The following ZNF7 variants were observed in gnomAD, a reference collection of about 807,000 sequenced individuals.
The protein encoded by ZNF7 is C2-H2 type zinc finger protein.
In ZNF7, 10 loss-of-function variants were observed where a neutral mutation model predicts 12.0. That is an observed-to-expected ratio of 0.83 (90% CI 0.51 to 1.42). The LOEUF (loss-of-function observed/expected upper bound fraction) is 1.42. Ranked by LOEUF, ZNF7 falls within the 40% of genes most tolerant of loss-of-function variation. ZNF7 has a pLI of 0.00. For missense variants in ZNF7, 854 were observed against 837.2 expected, an observed-to-expected ratio of 1.02 and a Z score of -0.25; for synonymous variants, 334 against 295.0, an observed-to-expected ratio of 1.13 and a Z score of -1.35.
Position 144,829,608 on chromosome 8 carries a change from A to G in ZNF7, c.130+4A>G. The G allele has an allele frequency of 6.2e-7, 1 of 1,602,010 alleles. No homozygotes were observed. The highest frequency in any genetic ancestry group is 1.7e-5 in the Admixed American group (1 of 59,334). ...CACAGCAGTGTGGCTGGACTAGGTGAGGCTGCACCTTGGGGCCCCTTCCCC... is the reference window on the plus strand; with the variant it reads ...CACAGCAGTGTGGCTGGACTAGGTGGGGCTGCACCTTGGGGCCCCTTCCCC... On this transcript the variant is annotated splice_donor_region_variant and intron_variant, in intron 3 of 4. Transcript: ENST00000532777.
intron 4 of ZNF7, among the ~76,000 whole-genome samples, chr8:144,839,259 G>T (rs1377639271): frequency 6.6e-6 from 1 of 152,218 alleles, no homozygotes; most frequent in Non-Finnish European, 1.5e-5. Context: ...AGCTTCAAAG[G>T]ACAAGGAGGG....
downstream of ZNF7, chr8:144,845,872 C>A: frequency 8.9e-7 from 1 of 1,125,754 alleles, no homozygotes; most frequent in Non-Finnish European, 1.3e-6. Context: ...GTGTCCCTGC[C>A]TTGCGTCACG....
At chr8:144,844,723 A>C (rs1353054430), downstream of ZNF7, among the ~76,000 whole-genome samples, 4 of 58,966 alleles carry the variant, frequency 6.8e-5, no homozygotes, top group South Asian at 6.9e-4. Flanking sequence ...AAAAAAAAAA[A>C]AAAAAAAAAA....
intron 4 of ZNF7, chr8:144,841,086 C>T (rs1041855953): frequency 6.7e-6 from 3 of 445,246 alleles, no homozygotes; most frequent in Non-Finnish European, 1.2e-5. Flanking sequence ...ACACCAGTGC[C>T]TGTAGGATGG....
downstream of ZNF7, among the ~76,000 whole-genome samples, chr8:144,845,518 T>C (rs563870679): frequency 2.0e-5 from 3 of 152,296 alleles, no homozygotes; most frequent in South Asian, 4.1e-4. Flanking sequence ...TGATGCTTTT[T>C]TGCTGAAATT....
chr8:144,844,400 TAAAG>T (rs145254832), downstream of ZNF7, among the ~76,000 whole-genome samples: 254 of 151,780 alleles, frequency 1.7e-3, no homozygotes, highest in African/African-American at 5.9e-3. Flanking sequence ...GAGGAGGAAA[TAAAG>T]ACAGTGGAGA....
downstream of ZNF7, among the ~76,000 whole-genome samples, chr8:144,844,948 G>A (rs1830431135): frequency 1.3e-5 from 2 of 151,854 alleles, no homozygotes; most frequent in Admixed American, 6.6e-5. Flanking sequence ...GGGGAAAAAC[G>A]ATGGTAGGGA....
intron 4 of ZNF7, among the ~76,000 whole-genome samples, chr8:144,837,798 A>G (rs1829202544): frequency 6.6e-6 from 1 of 152,138 alleles, no homozygotes; most frequent in Non-Finnish European, 1.5e-5. Flanking sequence ...AATTTTACTC[A>G]TACTTTCGTT....
downstream of ZNF7, among the ~76,000 whole-genome samples, chr8:144,845,218 G>C (rs1485764250): frequency 1.3e-5 from 2 of 152,304 alleles, no homozygotes; most frequent in South Asian, 4.1e-4. Flanking sequence ...CCACCTAGGA[G>C]GGGACGGCAG....
At chr8:144,829,749 CAGGCTGGTTCCT>C (rs1384118351) in intron 3 of ZNF7, 145 bp downstream of exon 3, 1 of 1,102,762 alleles carries the variant, frequency 9.1e-7, no homozygotes, top group African/African-American at 1.6e-5. Flanking sequence ...AGTGGTGTGC[CAGGCTGGTTCCT>C]AGCTTTGCCC....
At chr8:144,838,143 T>C (rs758736162) in intron 4 of ZNF7, 1 of 702,952 alleles carries the variant, frequency 1.4e-6, no homozygotes, top group Non-Finnish European at 2.6e-6. Context: ...TTCCTTGGCT[T>C]GTGGATGCGT....
At chr8:144,828,917 C>T (rs779925720) in intron 1 of ZNF7, 126 bp from the exon 2 acceptor site, 5 of 1,277,118 alleles carry the variant, frequency 3.9e-6, no homozygotes, top group Admixed American at 4.3e-5. Context: ...TCAGCCCAGC[C>T]CCATGTCCCT....
chr8:144,843,259 T>C lies in ZNF7; in HGVS notation c.*91T>C. 7.1e-7 allele frequency: 1 copy of C among 1,400,794 alleles called. No homozygotes were observed. The highest frequency in any genetic ancestry group is 9.6e-7 in the Non-Finnish European group (1 of 1,042,388). 86.8% of individuals were successfully genotyped at this position (1,400,794 alleles called of 1,614,324 possible). The stretch of plus-strand genomic sequence containing the variant: ...GGAATCGTTTATACTGACAAACATG[T>C]AGAATGTTGGTAAAGGTTCAGAATT... On this transcript the variant is annotated 3_prime_UTR_variant, in exon 5 of 5. Transcript: ENST00000532777.
Position 144,843,212 on chromosome 8 carries a change from C to CCTTAACTTA in ZNF7, c.*49_*57dup. On this transcript the variant is annotated 3_prime_UTR_variant, in exon 5 of 5. Transcript: ENST00000532777. Reference sequence around the variant, plus strand: ...TGTATATATGTGAATAAACCTATAGCCTTAACTTACTTATTTTATATGGAA... The same window carrying CCTTAACTTA: ...TGTATATATGTGAATAAACCTATAGCCTTAACTTACTTAACTTACTTATTTTATATGGAA... 1 of 1,503,390 alleles carries CCTTAACTTA rather than the reference C, an allele frequency of 6.7e-7. No homozygotes were observed. The highest frequency in any genetic ancestry group is 2.3e-5 in the East Asian group (1 of 43,918). The allele number at this position is 1,503,390 out of a possible 1,614,324, so 93.1% of individuals were successfully genotyped here.
intron 4 of ZNF7, chr8:144,838,179 C>T (rs1188312743): frequency 2.1e-5 from 15 of 702,062 alleles, no homozygotes; most frequent in Non-Finnish European, 3.6e-5. Flanking sequence ...CCGACTCCTT[C>T]ACACGGCTGC....
chr8:144,828,246 A>G (rs1004975773), intron 1 of ZNF7, among the ~76,000 whole-genome samples: 4 of 152,292 alleles, frequency 2.6e-5, no homozygotes, highest in Middle Eastern at 6.8e-3. Context: ...CTGGGCAGGT[A>G]GAGGGTCTGG....
downstream of ZNF7, chr8:144,846,019 C>G: frequency 1.3e-6 from 2 of 1,536,578 alleles, no homozygotes; most frequent in South Asian, 1.2e-5. Flanking sequence ...AGCCAAGGCA[C>G]CCACATGCAC....
chr8:144,844,871 G>A (rs1007278393), downstream of ZNF7, among the ~76,000 whole-genome samples: 13 of 151,894 alleles, frequency 8.6e-5, no homozygotes, highest in African/African-American at 2.9e-4. Flanking sequence ...GGGTGAGAGT[G>A]GGTTAGGAAG....
chr8:144,838,483 G>A lies in ZNF7; in HGVS notation c.247+976G>A, dbSNP rs1829357153. ...TGCTGCCCAGCATGACAAGGGAGATGGGTCTGCGTGCATCTCAGCTGCAGA... is the reference window on the plus strand; with the variant it reads ...TGCTGCCCAGCATGACAAGGGAGATAGGTCTGCGTGCATCTCAGCTGCAGA... On this transcript the variant is annotated intron_variant, in intron 4 of 4. Coordinates refer to ENST00000532777, the MANE Select transcript of ZNF7 (RefSeq NM_003416.4). 1.1e-5 allele frequency: 3 copies of A among 263,162 alleles called. No homozygotes were observed. In the South Asian group the frequency reaches 2.4e-4, roughly 21 times the overall value. 16.3% of individuals were successfully genotyped at this position (263,162 alleles called of 1,614,324 possible).
Sources: allele counts gnomAD v4.1 joint callset (sites outside exome capture counted in the v4.1 genomes callset), GRCh38; gene constraint gnomAD v4.1.1; transcripts MANE v1.5; gene names NCBI Gene and HGNC (gene_info 2026-07-23, HGNC 2026-07-21).